Variants in MTOR observed in about 807,000 individuals in gnomAD.
MTOR encodes mechanistic target of rapamycin kinase.
Under a neutral mutation model 319.8 loss-of-function variants are expected in MTOR, and 70 were observed. The ratio of observed to expected loss-of-function variants is 0.22; its 90% CI spans 0.18 to 0.27. The LOEUF (loss-of-function observed/expected upper bound fraction) is 0.27, where lower values mean the gene tolerates loss of function less well. MTOR is among the 10% of genes least tolerant of loss of function. The probability of loss-of-function intolerance (pLI) is 1.00; values close to 1 mark genes in which losing one functional copy is unlikely to be tolerated. For synonymous variants in MTOR, 1,183 were observed against 1,211.4 expected (o/e 0.98, Z 0.49); for missense variants, 1,890 against 3,274.4 (o/e 0.58, Z 10.32).
At chr1:11,216,616 TAC>T (rs1646479048) in intron 19 of MTOR, among the ~76,000 whole-genome samples, 1 of 148,380 alleles carries the variant, frequency 6.7e-6, no homozygotes, top group East Asian at 2.0e-4. Context: ...CACTGCACTC[TAC>T]AGAGTGCAGG....
At chr1:11,239,798 G>A (rs1302114233) in intron 11 of MTOR, among the ~76,000 whole-genome samples, 7 of 151,812 alleles carry the variant, frequency 4.6e-5, no homozygotes, top group African/African-American at 1.5e-4. Context: ...CCAGCTACTC[G>A]GGAGGCTGTG....
Position 11,198,475 on chromosome 1 carries a change from C to T in MTOR, c.4253+783G>A, listed in dbSNP as rs192424730. The stretch of plus-strand genomic sequence containing the variant: ...GCTCTATCCTCCTTTGATAGAGCCA[C>T]ACAGCAGGCTCTATCAGCCACGGTG... On this transcript the variant is annotated intron_variant, in intron 28 of 57. Coordinates refer to ENST00000361445, the MANE Select transcript of MTOR (RefSeq NM_004958.4). Among the ~76,000 whole-genome samples, 232 of 152,292 alleles carry T rather than the reference C, an allele frequency of 1.5e-3. 2 individuals are homozygous for T. In the South Asian group the frequency reaches 0.017, roughly 11 times the overall value.
Position 11,258,600 on chromosome 1 carries a change from A to T in MTOR, c.163-7T>A. The T allele has an allele frequency of 6.3e-7, 1 of 1,596,668 alleles. No homozygotes were observed. The highest frequency in any genetic ancestry group is 8.6e-7 in the Non-Finnish European group (1 of 1,165,286). On this transcript the variant is annotated splice_polypyrimidine_tract_variant and splice_region_variant and intron_variant, in intron 2 of 57. Coordinates refer to ENST00000361445, the MANE Select transcript of MTOR (RefSeq NM_004958.4). ...TAGACTCCTCTTGACTCATCTGCAA[A>T]AGAAGATATAATCAGAACAATTTCT...
intron 4 of MTOR, among the ~76,000 whole-genome samples, chr1:11,256,689 C>T (rs1025810247): frequency 6.6e-6 from 1 of 152,096 alleles, no homozygotes; most frequent in Non-Finnish European, 1.5e-5. Context: ...TACCGTGCCC[C>T]CTCCTCACAG....
At chr1:11,241,286 ACT>A (rs1183266684) in intron 10 of MTOR, among the ~76,000 whole-genome samples, 1 of 146,416 alleles carries the variant, frequency 6.8e-6, no homozygotes, top group Non-Finnish European at 1.5e-5. Context: ...GGGCCACTGC[ACT>A]CCAGCCTGGG....
At chr1:11,175,746 GTTTT>G (rs34392850) in intron 28 of MTOR, among the ~76,000 whole-genome samples, 4 of 137,312 alleles carry the variant, frequency 2.9e-5, no homozygotes, top group African/African-American at 8.2e-5. Flanking sequence ...TCCCTAGCAG[GTTTT>G]TTTTTTTTTT....
Position 11,108,332 on chromosome 1 carries a change from G to A in MTOR, c.7529-46C>T, listed in dbSNP as rs377718575. The stretch of plus-strand genomic sequence containing the variant: ...ACATTTCACTCTCTTCCTGGCAATC[G>A]ATGCACTTCTTGTTCCCTGTGGGCT... On this transcript the variant is annotated intron_variant, in intron 56 of 57. Coordinates refer to ENST00000361445, the MANE Select transcript of MTOR (RefSeq NM_004958.4). 64 of 1,445,456 alleles carry A rather than the reference G, an allele frequency of 4.4e-5. No homozygotes were observed. The African/African-American group carries it at 4.6e-4, about 10-fold the overall frequency. 89.5% of individuals were successfully genotyped at this position (1,445,456 alleles called of 1,614,324 possible). A position where few individuals can be genotyped will look rare whatever the true frequency, so the allele number is the denominator to read the frequency against.
chr1:11,120,741 T>C (rs1208601525), intron 49 of MTOR, among the ~76,000 whole-genome samples: 1 of 152,180 alleles, frequency 6.6e-6, no homozygotes, highest in Non-Finnish European at 1.5e-5. Context: ...GTACATATAA[T>C]ACCTAATACA....
At chr1:11,238,273 C>G in intron 12 of MTOR, 129 bp downstream of exon 12, 2 of 1,054,128 alleles carry the variant, frequency 1.9e-6, no homozygotes, top group South Asian at 2.9e-5. Flanking sequence ...CACGCCTTGG[C>G]AGAGAAATAG....
chr1:11,242,979 G>C, intron 9 of MTOR, 135 bp downstream of exon 9: 3 of 830,172 alleles, frequency 3.6e-6, no homozygotes, highest in Admixed American at 2.9e-5. Context: ...AGGAAGGGCT[G>C]TTCTTCATAT....
At chr1:11,157,881 C>T (rs1233898019) in intron 29 of MTOR, among the ~76,000 whole-genome samples, 1 of 152,130 alleles carries the variant, frequency 6.6e-6, no homozygotes, top group Non-Finnish European at 1.5e-5. Context: ...ATAACACCAC[C>T]ACTTAAAATT....
chr1:11,168,620 T>C (rs1412665165), intron 28 of MTOR, among the ~76,000 whole-genome samples: 1 of 152,162 alleles, frequency 6.6e-6, no homozygotes, highest in Non-Finnish European at 1.5e-5. Flanking sequence ...TATCTAGAGT[T>C]TCTTGAACTG....
intron 28 of MTOR, among the ~76,000 whole-genome samples, chr1:11,181,172 C>T (rs973312463): frequency 2.6e-5 from 4 of 152,078 alleles, no homozygotes; most frequent in African/African-American, 9.7e-5. Flanking sequence ...TTGAAGTAAT[C>T]AGACATGTCA....
intron 29 of MTOR, among the ~76,000 whole-genome samples, chr1:11,163,343 T>C (rs1042146871): frequency 3.3e-5 from 5 of 152,154 alleles, no homozygotes; most frequent in Non-Finnish European, 5.9e-5. Context: ...AATGGGAGAC[T>C]TTAACACCCC....
intron 20 of MTOR, among the ~76,000 whole-genome samples, chr1:11,215,240 C>T (rs1041058961): frequency 6.6e-6 from 1 of 152,128 alleles, no homozygotes; most frequent in Admixed American, 6.6e-5. Context: ...TTCCCTTGCC[C>T]CTCCTCCCAC....
intron 20 of MTOR, among the ~76,000 whole-genome samples, chr1:11,214,599 A>C (rs1043053997): frequency 4.6e-5 from 7 of 152,246 alleles, no homozygotes; most frequent in Non-Finnish European, 8.8e-5. Context: ...ATAACTCCTC[A>C]GATGAAAGGC....
intron 18 of MTOR, 60 bp from the exon 19 acceptor site, chr1:11,228,978 A>C (rs1646934030): frequency 6.3e-7 from 1 of 1,588,314 alleles, no homozygotes; most frequent in South Asian, 1.1e-5. Flanking sequence ...CTTCAGGCAG[A>C]GCATGGTTAG....
intron 29 of MTOR, among the ~76,000 whole-genome samples, chr1:11,166,151 A>G (rs1312246861): frequency 2.0e-5 from 3 of 152,246 alleles, no homozygotes; most frequent in Non-Finnish European, 4.4e-5. Flanking sequence ...CCCTAGAAGA[A>G]AACCTAGGCA....
At chr1:11,245,904 T>C (rs1296182664) in intron 8 of MTOR, among the ~76,000 whole-genome samples, 1 of 152,056 alleles carries the variant, frequency 6.6e-6, no homozygotes, top group Non-Finnish European at 1.5e-5. Flanking sequence ...AGCAAGACCC[T>C]GTCTCAAAAA....
Sources: gnomAD v4.1 joint callset for allele counts (sites outside exome capture counted in the v4.1 genomes callset) on GRCh38, gnomAD v4.1.1 for gene constraint, MANE v1.5 for transcripts, NCBI Gene and HGNC (gene_info 2026-07-23, HGNC 2026-07-21) for gene names.